PARL: variants seen among roughly 807,000 people sequenced by gnomAD.
The protein encoded by PARL is presenilin associated rhomboid like.
PARL carries 44 observed loss-of-function variants against 51.6 expected under a neutral mutation model. That is an observed-to-expected ratio of 0.85 (90% confidence interval 0.67 to 1.10). PARL has a LOEUF of 1.10. PARL is among the 50% of genes least tolerant of loss of function. The pLI is 0.00. For missense variants in PARL, 441 were observed against 469.5 expected, an observed-to-expected ratio of 0.94 and a Z score of 0.56; for synonymous variants, 172 against 164.0, an observed-to-expected ratio of 1.05 and a Z score of -0.37.
At chr3:183,845,707 G>T (rs192528190) in intron 4 of PARL, among the ~76,000 whole-genome samples, 22 of 152,328 alleles carry the variant, frequency 1.4e-4, no homozygotes, top group African/African-American at 5.3e-4. Context: ...AAGGGCAGGC[G>T]GGCAGAGCCT....
At chr3:183,872,745 C>G (rs2108693390) in intron 1 of PARL, among the ~76,000 whole-genome samples, 1 of 152,278 alleles carries the variant, frequency 6.6e-6, no homozygotes, top group South Asian at 2.1e-4. Context: ...AAGAATTTTT[C>G]AGGAGCCCCT....
At chr3:183,837,303 G>A (rs1019802174) in intron 7 of PARL, among the ~76,000 whole-genome samples, 8 of 151,738 alleles carry the variant, frequency 5.3e-5, no homozygotes, top group Non-Finnish European at 1.2e-4. Context: ...GCCTCATATC[G>A]ATCATCCCTC....
chr3:183,842,266 C>T (rs763117209), intron 6 of PARL, 32 bp downstream of exon 6: 1 of 1,605,978 alleles, frequency 6.2e-7, no homozygotes, highest in East Asian at 2.2e-5. Context: ...AGTGCTTATA[C>T]TCTCAAAGGC....
chr3:183,858,333 GA>G (rs1230676949), intron 4 of PARL, among the ~76,000 whole-genome samples: 3 of 152,036 alleles, frequency 2.0e-5, no homozygotes, highest in Non-Finnish European at 4.4e-5. Flanking sequence ...GAACTGAAAT[GA>G]AAAAGAATAA....
At chr3:183,860,056 G>GA (rs543497141) in intron 4 of PARL, among the ~76,000 whole-genome samples, 2,393 of 129,156 alleles carry the variant, frequency 0.019, 22 homozygotes, top group Non-Finnish European at 0.027. Flanking sequence ...AATATAAAAC[G>GA]AAAAAAAAAA....
intron 4 of PARL, among the ~76,000 whole-genome samples, chr3:183,851,918 G>A (rs1242845624): frequency 6.6e-6 from 1 of 152,176 alleles, no homozygotes; most frequent in African/African-American, 2.4e-5. Context: ...CCAGCACTTT[G>A]GGAGGCCGGG....
At chr3:183,874,535 A>G (rs1733573881) in intron 1 of PARL, among the ~76,000 whole-genome samples, 3 of 151,704 alleles carry the variant, frequency 2.0e-5, no homozygotes, top group Admixed American at 1.3e-4. Flanking sequence ...CAGCCTCCCA[A>G]GTAGCTGGGA....
At chr3:183,869,509 TA>T (rs1380334105) in intron 1 of PARL, among the ~76,000 whole-genome samples, 5 of 151,974 alleles carry the variant, frequency 3.3e-5, no homozygotes, top group Admixed American at 2.6e-4. Flanking sequence ...CGCCTGGCTA[TA>T]CCTTATTATT....
chr3:183,882,247 A>ATATATATATATATATATATT (rs1734583255), intron 1 of PARL, among the ~76,000 whole-genome samples: 46 of 23,322 alleles, frequency 2.0e-3, no homozygotes, highest in South Asian at 0.018. Context: ...ATATATATTT[A>ATATATATATATATATATATT]TATATATATA....
chr3:183,844,182 C>T (rs761891603), intron 5 of PARL, 49 bp downstream of exon 5: 92 of 1,247,354 alleles, frequency 7.4e-5, no homozygotes, highest in Non-Finnish European at 1.1e-4. Flanking sequence ...AAGCATATTT[C>T]TTTCATATTA....
chr3:183,864,109 C>T (rs147668927), intron 3 of PARL, among the ~76,000 whole-genome samples: 6 of 152,250 alleles, frequency 3.9e-5, no homozygotes, highest in East Asian at 1.9e-4. Flanking sequence ...GAACAGATGC[C>T]GATGGCTAGT....
chr3:183,884,437 G>A (rs927576809), intron 1 of PARL, among the ~76,000 whole-genome samples: 5 of 152,166 alleles, frequency 3.3e-5, no homozygotes, highest in African/African-American at 1.2e-4. Context: ...TTCCACTCGC[G>A]ATTATGAAGT....
chr3:183,857,572 AG>A (rs1378773094), intron 4 of PARL, among the ~76,000 whole-genome samples: 1 of 152,266 alleles, frequency 6.6e-6, no homozygotes, highest in Admixed American at 6.5e-5. Context: ...ATGCTTTGGA[AG>A]AACACACAAG....
chr3:183,832,540 T>TA lies in PARL; in HGVS notation c.1028+951dup, dbSNP rs977714539. ...GGCCAGAATAGATTTTTCTTTTTAA[T>TA]AAAAAAAAAAATTAAGTTTTCCATT... On this transcript the variant is annotated intron_variant, in intron 9 of 9. Transcript: ENST00000317096. Among the ~76,000 whole-genome samples the TA allele has an allele frequency of 7.0e-4, 102 of 146,352 alleles. 1 individual carries two copies. The highest frequency in any genetic ancestry group is 3.5e-3 in the Middle Eastern group (1 of 288).
At chr3:183,829,766 T>C in intron 9 of PARL, 57 bp from the exon 10 acceptor site, 1 of 1,371,574 alleles carries the variant, frequency 7.3e-7, no homozygotes, top group Non-Finnish European at 1.0e-6. Context: ...AAATGGTAAG[T>C]AGCATGGTGA....
Position 183,829,693 on chromosome 3 carries a change from C to T in PARL, c.1045G>A (p.Gly349Ser), listed in dbSNP as rs1422920207. ...CTGTTCTTCCAAATCAGTTCATGAC[C>T]GTAAGTAACATACCATCTGGAGAAA... ...ALFGIWYVTYGHELIWKNREP... is the reference protein window; with the variant it reads ...ALFGIWYVTYSHELIWKNREP... Residue 349 changes from glycine (G) to serine (S), a missense_variant, in exon 10 of 10, where the codon GGT (glycine) becomes AGT (serine). Coordinates refer to ENST00000317096, the MANE Select transcript of PARL (RefSeq NM_018622.7). The T allele has an allele frequency of 6.2e-7, 1 of 1,614,012 alleles. No individual in the cohort carries two copies. Among genetic ancestry groups the T allele is most frequent in the Non-Finnish European group, 8.5e-7 (1 of 1,179,948 alleles).
chr3:183,864,699 C>T (rs934638551), intron 3 of PARL, among the ~76,000 whole-genome samples: 7 of 151,706 alleles, frequency 4.6e-5, no homozygotes, highest in Non-Finnish European at 1.0e-4. Context: ...TGGCGTGAAC[C>T]CGGGAGGCAG....
chr3:183,852,827 T>C (rs1730701879), intron 4 of PARL, among the ~76,000 whole-genome samples: 1 of 152,182 alleles, frequency 6.6e-6, no homozygotes, highest in South Asian at 2.1e-4. Flanking sequence ...ACAGATGGAA[T>C]CCTCACACTA....
rs1442971344 is a variant in PARL, at chr3:183,866,676, A to G, written c.411T>C (p.Ala137=). Residue 137 remains alanine (A), a synonymous_variant, in exon 3 of 10, where the codon GCT becomes GCC. Coordinates refer to ENST00000317096, the MANE Select transcript of PARL (RefSeq NM_018622.7). ...GTGGTCTTATGCTATCCAACCAATCAGCTTTTATACCATCAAAATAACTCT... is the reference window on the plus strand; with the variant it reads ...GTGGTCTTATGCTATCCAACCAATCGGCTTTTATACCATCAAAATAACTCT... ...RVQSYFDGIK[A]DWLDSIRPQK... 6.2e-7 allele frequency: 1 copy of G among 1,612,400 alleles called. No homozygotes were observed. The highest frequency in any genetic ancestry group is 8.5e-7 in the Non-Finnish European group (1 of 1,179,226).
Sources: gnomAD v4.1 joint callset for allele counts (sites outside exome capture counted in the v4.1 genomes callset) on GRCh38, gnomAD v4.1.1 for gene constraint, MANE v1.5 for transcripts, NCBI Gene and HGNC (gene_info 2026-07-23, HGNC 2026-07-21) for gene names.